Variants in INTS9 observed in about 807,000 individuals in gnomAD.
The protein encoded by INTS9 is protein related to CPSF subunits of 74 kDa.
A neutral mutation model predicts 79.7 loss-of-function variants in INTS9; 55 were observed. The observed-to-expected ratio is 0.69, with a 90% CI of 0.56 to 0.86. INTS9 has a LOEUF of 0.86. INTS9 is among the 40% of genes least tolerant of loss of function. The pLI is 0.00. For synonymous variants in INTS9, 319 were observed against 325.2 expected (o/e 0.98, Z 0.20); for missense variants, 721 against 831.5 (o/e 0.87, Z 1.64).
chr8:28,869,976 C>T (rs1808980394), intron 1 of INTS9, among the ~76,000 whole-genome samples: 1 of 151,852 alleles, frequency 6.6e-6, no homozygotes, highest in African/African-American at 2.4e-5. Flanking sequence ...CAAAATTTCC[C>T]CAAGAGAAGC....
At chr8:28,879,080 C>T (rs1377396622) in intron 1 of INTS9, among the ~76,000 whole-genome samples, 1 of 152,174 alleles carries the variant, frequency 6.6e-6, no homozygotes, top group Non-Finnish European at 1.5e-5. Context: ...CCAACGCATT[C>T]TATGAGAACA....
intron 1 of INTS9, among the ~76,000 whole-genome samples, chr8:28,875,364 C>A (rs1372363583): frequency 6.6e-6 from 1 of 152,210 alleles, no homozygotes; most frequent in South Asian, 2.1e-4. Context: ...TTTACTTTAA[C>A]TGTTCCTTCT....
At chr8:28,777,996 C>A (rs773660176) in intron 12 of INTS9, 43 bp from the exon 13 acceptor site, 5 of 1,541,610 alleles carry the variant, frequency 3.2e-6, no homozygotes, top group Non-Finnish European at 3.5e-6. Flanking sequence ...GCAGACTACA[C>A]AGGAGCTGCC....
intron 8 of INTS9, among the ~76,000 whole-genome samples, chr8:28,800,266 G>C (rs2130987588): frequency 6.6e-6 from 1 of 152,332 alleles, no homozygotes; most frequent in African/African-American, 2.4e-5. Context: ...CACTGGGAGA[G>C]TGCAGTGGGA....
intron 1 of INTS9, among the ~76,000 whole-genome samples, chr8:28,881,124 TG>T (rs1304359677): frequency 7.4e-6 from 1 of 134,304 alleles, no homozygotes; most frequent in Non-Finnish European, 1.6e-5. Context: ...GGGAGGGAGG[TG>T]GGGGGGTCAG....
chr8:28,785,932 G>A (rs1347080574), intron 11 of INTS9, among the ~76,000 whole-genome samples: 1 of 152,082 alleles, frequency 6.6e-6, no homozygotes, highest in Non-Finnish European at 1.5e-5. Context: ...TTTACAAGGT[G>A]AACACATGTA....
chr8:28,789,572 T>C (rs1159211901), intron 10 of INTS9, among the ~76,000 whole-genome samples: 2 of 152,258 alleles, frequency 1.3e-5, no homozygotes, highest in African/African-American at 4.8e-5. Context: ...AGACCTCAGG[T>C]ACCGCACACT....
chr8:28,816,874 T>C (rs1311140297), intron 6 of INTS9, among the ~76,000 whole-genome samples: 1 of 152,184 alleles, frequency 6.6e-6, no homozygotes, highest in African/African-American at 2.4e-5. Flanking sequence ...TATCTCATTG[T>C]GGTTTTCATT....
intron 6 of INTS9, among the ~76,000 whole-genome samples, chr8:28,834,443 C>T (rs1444156497): frequency 6.6e-6 from 1 of 152,012 alleles, no homozygotes; most frequent in African/African-American, 2.4e-5. Flanking sequence ...TTACTTGCAC[C>T]TCTCACCTCT....
chr8:28,821,394 C>G (rs1422720432), intron 6 of INTS9, among the ~76,000 whole-genome samples: 1 of 152,210 alleles, frequency 6.6e-6, no homozygotes, highest in Non-Finnish European at 1.5e-5. Flanking sequence ...TATTCACTAT[C>G]ATGAGACTAG....
At chr8:28,875,179 G>A (rs1385689394) in intron 1 of INTS9, among the ~76,000 whole-genome samples, 1 of 152,158 alleles carries the variant, frequency 6.6e-6, no homozygotes, top group East Asian at 1.9e-4. Flanking sequence ...TTTGCGTGGA[G>A]ACACAGATCC....
intron 1 of INTS9, among the ~76,000 whole-genome samples, chr8:28,868,952 C>A (rs1164270621): frequency 6.6e-6 from 1 of 151,880 alleles, no homozygotes; most frequent in African/African-American, 2.4e-5. Context: ...TAGAAAAATT[C>A]GCTGGGCGTG....
Position 28,847,226 on chromosome 8 carries a change from T to C in INTS9, c.199-417A>G, listed in dbSNP as rs539622442. Among the ~76,000 whole-genome samples, 60 of 152,302 alleles carry C rather than the reference T, an allele frequency of 3.9e-4. 1 individual carries two copies. Among genetic ancestry groups the C allele is most frequent in the African/African-American group, 1.2e-3 (48 of 41,558 alleles). On this transcript the variant is annotated intron_variant, in intron 3 of 16. Coordinates refer to ENST00000521022, the MANE Select transcript of INTS9 (RefSeq NM_018250.4). The stretch of plus-strand genomic sequence containing the variant: ...GGATCAGAAACTGGGGATGAGGCCA[T>C]GGAATATGTATTTATAACAAGCACC...
chr8:28,769,808 C>T, intron 16 of INTS9, 81 bp downstream of exon 16: 1 of 1,551,666 alleles, frequency 6.4e-7, no homozygotes, highest in Non-Finnish European at 8.8e-7. Context: ...AACATCCACT[C>T]CCTGCAGCCA....
At chr8:28,790,228 A>G (rs571291346) in intron 10 of INTS9, among the ~76,000 whole-genome samples, 1 of 152,324 alleles carries the variant, frequency 6.6e-6, no homozygotes, top group East Asian at 1.9e-4. Flanking sequence ...AGAGGAGAGG[A>G]AGCCAAACCC....
chr8:28,778,053 G>T (rs1803000893), intron 12 of INTS9, 100 bp from the exon 13 acceptor site: 2 of 1,313,982 alleles, frequency 1.5e-6, no homozygotes, highest in Admixed American at 2.7e-5. Context: ...ACAGTCAGGG[G>T]GTCAGGAGGG....
Position 28,872,122 on chromosome 8 carries a change from A to G in INTS9, c.10-12559T>C, listed in dbSNP as rs143182342. Among the ~76,000 whole-genome samples, 750 of 152,348 alleles carry G rather than the reference A, an allele frequency of 4.9e-3. 8 individuals are homozygous for G. The highest frequency in any genetic ancestry group is 0.017 in the African/African-American group (715 of 41,578). ...GGAAGTGGAAACTCTCATTTACTCT[A>G]TGGGTAAAAACTAAAGCAGTCCTGA... On this transcript the variant is annotated intron_variant, in intron 1 of 16. Coordinates refer to ENST00000521022, the MANE Select transcript of INTS9 (RefSeq NM_018250.4).
chr8:28,851,256 T>C (rs1360586249), intron 2 of INTS9, among the ~76,000 whole-genome samples: 2 of 152,068 alleles, frequency 1.3e-5, no homozygotes, highest in East Asian at 1.9e-4. Context: ...CCAAAATAAT[T>C]TGATCAGATG....
At chr8:28,816,622 A>G (rs1366510346) in intron 6 of INTS9, among the ~76,000 whole-genome samples, 2 of 149,874 alleles carry the variant, frequency 1.3e-5, no homozygotes, top group African/African-American at 5.0e-5. Flanking sequence ...ATACGTGTGC[A>G]TGTGTCTTTA....
Sources: allele counts gnomAD v4.1 joint callset (sites outside exome capture counted in the v4.1 genomes callset), GRCh38; gene constraint gnomAD v4.1.1; transcripts MANE v1.5; gene names NCBI Gene and HGNC (gene_info 2026-07-23, HGNC 2026-07-21).